The following PATJ variants were observed in gnomAD, a reference collection of about 807,000 sequenced individuals.
PATJ encodes inaD-like protein.
Under a neutral mutation model 224.9 loss-of-function variants are expected in PATJ, and 190 were observed. The ratio of observed to expected loss-of-function variants is 0.84; its 90% CI spans 0.75 to 0.95. The LOEUF (loss-of-function observed/expected upper bound fraction) is 0.95, where lower values mean the gene tolerates loss of function less well. Among genes scored for constraint, PATJ ranks in the 40% least tolerant of loss-of-function variants. The probability of loss-of-function intolerance (pLI) is 0.00; values close to 1 mark genes in which losing one functional copy is unlikely to be tolerated. For synonymous variants in PATJ, 769 were observed against 820.3 expected, an observed-to-expected ratio of 0.94 and a Z score of 1.07; for missense variants, 2,121 against 2,270.3, an observed-to-expected ratio of 0.93 and a Z score of 1.34.
At chr1:61,801,595 T>A (rs758502914) in intron 11 of PATJ, 28 bp from the exon 12 acceptor site, 7 of 1,402,958 alleles carry the variant, frequency 5.0e-6, no homozygotes, top group Non-Finnish European at 6.6e-6. Flanking sequence ...TTAACAAAAT[T>A]TTAAAAAATT....
At chr1:61,902,599 A>G (rs1671336561) in intron 24 of PATJ, among the ~76,000 whole-genome samples, 1 of 152,134 alleles carries the variant, frequency 6.6e-6, no homozygotes, top group South Asian at 2.1e-4. Flanking sequence ...GTATATACAA[A>G]TGTTGAGTTA....
At chr1:62,159,149 C>T (rs771250008) in intron 43 of PATJ, among the ~76,000 whole-genome samples, 1 of 152,096 alleles carries the variant, frequency 6.6e-6, no homozygotes, top group African/African-American at 2.4e-5. Flanking sequence ...GTCTTTAATA[C>T]AGTTGACACA....
chr1:61,927,711 T>C lies in PATJ; in HGVS notation c.3571-19T>C. 27 of 1,529,444 alleles carry C rather than the reference T, an allele frequency of 1.8e-5. No individual in the cohort carries two copies. Among genetic ancestry groups the C allele is most frequent in the Non-Finnish European group, 2.3e-5 (26 of 1,108,614 alleles). The allele number at this position is 1,529,444 out of a possible 1,614,324, so 94.7% of individuals were successfully genotyped here. A position where few individuals can be genotyped will look rare whatever the true frequency, so the allele number is the denominator to read the frequency against. ...GTACAAGAAGCATTTAACCCTTCTC[T>C]CAAATTTTGCATCTTCAGAGGCAAG... On this transcript the variant is annotated intron_variant, in intron 26 of 43. Transcript: ENST00000642238.
intron 17 of PATJ, among the ~76,000 whole-genome samples, chr1:61,848,845 G>A (rs965965231): frequency 2.0e-5 from 3 of 152,008 alleles, no homozygotes; most frequent in Non-Finnish European, 2.9e-5. Context: ...AATAATAATG[G>A]CCACATTTAA....
chr1:62,098,992 C>A (rs1002114832), intron 33 of PATJ, among the ~76,000 whole-genome samples: 2 of 152,104 alleles, frequency 1.3e-5, no homozygotes, highest in African/African-American at 4.8e-5. Flanking sequence ...CTAACCCTTT[C>A]TTTTTAAACT....
chr1:62,038,133 A>T, intron 30 of PATJ, 84 bp downstream of exon 30: 1 of 837,884 alleles, frequency 1.2e-6, no homozygotes, highest in Non-Finnish European at 1.9e-6. Flanking sequence ...TTTGATATTC[A>T]GTATTTGGTA....
chr1:62,057,459 C>T (rs1167836113), intron 31 of PATJ, among the ~76,000 whole-genome samples: 1 of 152,150 alleles, frequency 6.6e-6, no homozygotes, highest in East Asian at 1.9e-4. Context: ...CAGGAGATGA[C>T]TCCCAGTTCA....
chr1:62,030,369 G>A (rs34050378), intron 29 of PATJ, among the ~76,000 whole-genome samples: 20,320 of 152,090 alleles, frequency 0.13, 1,573 homozygotes, highest in Middle Eastern at 0.26. Context: ...AATTTTAAAG[G>A]TTGAGAAACC....
intron 33 of PATJ, among the ~76,000 whole-genome samples, chr1:62,085,309 G>A (rs1049326855): frequency 1.4e-4 from 21 of 151,876 alleles, no homozygotes; most frequent in African/African-American, 5.1e-4. Context: ...CCGTGATCAT[G>A]CCACTGCACG....
chr1:61,864,379 T>C lies in PATJ; in HGVS notation c.2581T>C (p.Leu861=), dbSNP rs1665082158. Residue 861 remains leucine, a synonymous_variant, in exon 20 of 44, where the codon TTG becomes CTG. Transcript: ENST00000642238. ...WEMHEFLTPR[L]QEMDEEREIL... is the part of the protein sequence containing the mutation. Reference sequence around the variant, plus strand: ...GATGCATGAATTTCTGACTCCTAGATTGCAGGAAATGGATGAAGAAAGAGA... The same window carrying C: ...GATGCATGAATTTCTGACTCCTAGACTGCAGGAAATGGATGAAGAAAGAGA... The C allele has an allele frequency of 1.2e-6, 2 of 1,614,060 alleles. No homozygotes were observed. Among genetic ancestry groups the C allele is most frequent in the South Asian group, 1.1e-5 (1 of 91,078 alleles).
At chr1:62,017,979 A>G (rs1192658226) in intron 29 of PATJ, 32 bp downstream of exon 29, 3 of 1,194,494 alleles carry the variant, frequency 2.5e-6, no homozygotes, top group Non-Finnish European at 2.5e-6. Context: ...TTGCAAAATC[A>G]AAGACCTCTT....
At position 61,864,586 on chromosome 1, in the gene PATJ, GTC is replaced by G. The variant is rs758561745; in HGVS notation, c.2790_2791del (p.Tyr931PhefsTer12). ...TCAAGAGGCAAGAACCGGGAGGACTGTCTATTCCCAGGAGGCACAGCCGTATG... is the reference window on the plus strand; with the variant it reads ...TCAAGAGGCAAGAACCGGGAGGACTGTATTCCCAGGAGGCACAGCCGTATG... ...ESQEARTGRT[V>X]YSQEAQPYGY... On this transcript the variant is annotated frameshift_variant, in exon 20 of 44. Coordinates refer to ENST00000642238, the MANE Select transcript of PATJ (RefSeq NM_001350145.3). LOFTEE classifies it high-confidence loss of function. 6.2e-7 allele frequency: 1 copy of G among 1,607,666 alleles called. No individual in the cohort carries two copies. Among genetic ancestry groups the G allele is most frequent in the South Asian group, 1.1e-5 (1 of 91,050 alleles).
At position 61,990,287 on chromosome 1, in the gene PATJ, A is replaced by G; in HGVS notation, c.3790A>G (p.Ile1264Val). Residue 1264 changes from isoleucine to valine, a missense_variant, in exon 28 of 44, where the codon ATA becomes GTA. Transcript: ENST00000642238. ...AGNKDRSRMS[I>V]FVVGINPEGP... is the part of the protein sequence containing the mutation. ...TAATAAAGACCGATCACGCATGAGCATATTTGTGGTGGGAATTAACCCGGA... is the reference window on the plus strand; with the variant it reads ...TAATAAAGACCGATCACGCATGAGCGTATTTGTGGTGGGAATTAACCCGGA... The G allele has an allele frequency of 6.2e-7, 1 of 1,614,016 alleles. No individual in the cohort carries two copies. The highest frequency in any genetic ancestry group is 8.5e-7 in the Non-Finnish European group (1 of 1,179,948).
At chr1:62,135,421 CAGG>C (rs1666726623) in intron 41 of PATJ, among the ~76,000 whole-genome samples, 1 of 146,788 alleles carries the variant, frequency 6.8e-6, no homozygotes, top group South Asian at 2.2e-4. Context: ...GAGGCTGAGG[CAGG>C]AGAATTGCTT....
At chr1:61,817,617 C>T (rs1656397789) in intron 14 of PATJ, among the ~76,000 whole-genome samples, 1 of 152,168 alleles carries the variant, frequency 6.6e-6, no homozygotes, top group Non-Finnish European at 1.5e-5. Context: ...GCCGAGATCG[C>T]ACCATTGCAC....
chr1:62,040,125 T>A (rs1651189352), intron 30 of PATJ, among the ~76,000 whole-genome samples: 1 of 151,808 alleles, frequency 6.6e-6, no homozygotes, highest in Non-Finnish European at 1.5e-5. Context: ...TTTTTTTTTT[T>A]TTGAAATGGA....
chr1:62,076,543 G>A (rs1658341538), intron 31 of PATJ, among the ~76,000 whole-genome samples: 1 of 152,182 alleles, frequency 6.6e-6, no homozygotes, highest in Admixed American at 6.5e-5. Flanking sequence ...ACCGACAACT[G>A]GAGGCCAGCC....
chr1:61,840,733 G>T (rs906511327), intron 17 of PATJ, among the ~76,000 whole-genome samples: 1 of 151,924 alleles, frequency 6.6e-6, no homozygotes, highest in Non-Finnish European at 1.5e-5. Flanking sequence ...ATACTCTTTT[G>T]TTAAAAGGTG....
intron 27 of PATJ, among the ~76,000 whole-genome samples, chr1:61,943,202 G>A (rs1293811191): frequency 6.6e-6 from 1 of 152,226 alleles, no homozygotes; most frequent in African/African-American, 2.4e-5. Context: ...CAACGCAGAA[G>A]TTGGGTGATT....
Sources: gnomAD v4.1 joint callset for allele counts (sites outside exome capture counted in the v4.1 genomes callset) on GRCh38, gnomAD v4.1.1 for gene constraint, MANE v1.5 for transcripts, NCBI Gene and HGNC (gene_info 2026-07-23, HGNC 2026-07-21) for gene names.